The following BLZF1 variants were observed in gnomAD, a reference collection of about 807,000 sequenced individuals.
The protein encoded by BLZF1 is basic leucine zipper nuclear factor 1.
In BLZF1, 39 loss-of-function variants were observed where a neutral mutation model predicts 43.8. The ratio of observed to expected loss-of-function variants is 0.89; its 90% confidence interval spans 0.69 to 1.16. The LOEUF (loss-of-function observed/expected upper bound fraction) is 1.16, where lower values mean the gene tolerates loss of function less well. Among genes scored for constraint, BLZF1 ranks in the 50% most tolerant of loss-of-function variants. The probability of loss-of-function intolerance (pLI) is 0.00; values close to 1 mark genes in which losing one functional copy is unlikely to be tolerated. For missense variants in BLZF1, 449 were observed against 469.8 expected (o/e 0.96, Z 0.41); for synonymous variants, 136 against 159.4 (o/e 0.85, Z 1.11).
chr1:169,373,936 G>C (rs1341669335), intron 2 of BLZF1, among the ~76,000 whole-genome samples: 4 of 152,018 alleles, frequency 2.6e-5, no homozygotes, highest in Non-Finnish European at 4.4e-5. Flanking sequence ...TGGCTGTAGT[G>C]CGTGTTTTTA....
At chr1:169,378,580 G>T in intron 4 of BLZF1, 51 bp downstream of exon 4, 1 of 1,560,544 alleles carries the variant, frequency 6.4e-7, no homozygotes, top group Non-Finnish European at 8.8e-7. Context: ...GCTCCATCAG[G>T]TTTTTGATCT....
rs1404179784 is a variant in BLZF1 at position 169,382,256 on chromosome 1, C to A, written c.992C>A (p.Thr331Asn). The change falls in exon 6 of 7, where the codon ACC becomes AAC. Residue 331 changes from threonine (T) to asparagine (N), a missense_variant. Physicochemically the swap from Thr to Asn is moderately conservative, Grantham distance 65 (BLOSUM62 0). Coordinates refer to ENST00000367808, the MANE Select transcript of BLZF1 (RefSeq NM_001320973.2). Reference protein sequence around the residue: ...KIPSTVEFCSTPAEKMAETVL... With the variant: ...KIPSTVEFCSNPAEKMAETVL... ...CCATCAACAGTTGAATTCTGCAGCA[C>A]CCCAGCTGAGAAAATGGCTGAAACG... The A allele has an allele frequency of 5.6e-6, 9 of 1,613,520 alleles. No individual in the cohort carries two copies. The East Asian group carries it at 1.8e-4, about 32-fold the overall frequency.
At chr1:169,377,487 T>G (rs1367668737) in intron 3 of BLZF1, 5 of 152,678 alleles carry the variant, frequency 3.3e-5, no homozygotes, top group African/African-American at 1.2e-4. Context: ...CCCTTGTTTC[T>G]CTATTAGACC....
Position 169,386,980 on chromosome 1 carries a change from T to G in BLZF1, c.1018-17T>G. On this transcript the variant is annotated splice_polypyrimidine_tract_variant and intron_variant, in intron 6 of 6. Transcript: ENST00000367808. ...TCTATATTGCATACTTCTGACATTA[T>G]ATCTTATTTTCCTTAGGTTCTAAGA... is the stretch of plus-strand genomic sequence containing the variant. 1 of 1,563,034 alleles carries G rather than the reference T, an allele frequency of 6.4e-7. No homozygotes were observed.
In BLZF1 at chr1:169,378,326, C is replaced by A. The variant is rs780284159; in HGVS notation, c.469-4C>A. 11 of 1,611,504 alleles carry A rather than the reference C, an allele frequency of 6.8e-6. No individual in the cohort carries two copies. The South Asian group carries it at 1.2e-4, about 18-fold the overall frequency. ...CTTGTTGTATTGATTACGTTCTCTTCTAGGTAAATCGTGAGTTAAAAAAGT... is the reference window on the plus strand; with the variant it reads ...CTTGTTGTATTGATTACGTTCTCTTATAGGTAAATCGTGAGTTAAAAAAGT... On this transcript the variant is annotated splice_region_variant and splice_polypyrimidine_tract_variant and intron_variant, in intron 3 of 6. Coordinates refer to ENST00000367808, the MANE Select transcript of BLZF1 (RefSeq NM_001320973.2).
At chr1:169,374,642 A>G (rs542765733) in intron 2 of BLZF1, among the ~76,000 whole-genome samples, 1 of 152,248 alleles carries the variant, frequency 6.6e-6, no homozygotes, top group African/African-American at 2.4e-5. Flanking sequence ...GAACATTTCT[A>G]CATGGGAAAA....
intron 6 of BLZF1, among the ~76,000 whole-genome samples, chr1:169,385,213 C>G (rs1654634308): frequency 6.6e-6 from 1 of 152,198 alleles, no homozygotes; most frequent in Non-Finnish European, 1.5e-5. Context: ...TCCCCTTCTT[C>G]TCCCAGACCT....
chr1:169,373,062 A>G (rs536241219), intron 2 of BLZF1, among the ~76,000 whole-genome samples: 85 of 152,182 alleles, frequency 5.6e-4, no homozygotes, highest in African/African-American at 9.2e-4. Context: ...GGTATCCTCA[A>G]TTTTACCTTT....
At chr1:169,370,233 C>T (rs79947056) in intron 2 of BLZF1, among the ~76,000 whole-genome samples, 1,588 of 152,326 alleles carry the variant, frequency 0.01, 26 homozygotes, top group African/African-American at 0.036. Flanking sequence ...ACCCAGTCTA[C>T]TCCTGTATGA....
chr1:169,377,429 G>T, intron 3 of BLZF1: 1 of 157,488 alleles, frequency 6.3e-6, no homozygotes, highest in Non-Finnish European at 1.4e-5. Context: ...TAGCCCTTAA[G>T]TGTGTTGCTT....
chr1:169,390,644 AAGGG>A (rs139679825), downstream of BLZF1, among the ~76,000 whole-genome samples: 1,852 of 152,312 alleles, frequency 0.012, 11 homozygotes, highest in Non-Finnish European at 0.021. Context: ...GGTTTTCAAA[AAGGG>A]AGAATTATTC....
At chr1:169,385,769 A>T (rs1396034477) in intron 6 of BLZF1, among the ~76,000 whole-genome samples, 1 of 152,206 alleles carries the variant, frequency 6.6e-6, no homozygotes, top group Non-Finnish European at 1.5e-5. Context: ...ATGCCAGGAC[A>T]TTCTTAGAGT....
intron 6 of BLZF1, among the ~76,000 whole-genome samples, chr1:169,383,184 T>G (rs1654575315): frequency 6.6e-6 from 1 of 152,188 alleles, no homozygotes; most frequent in African/African-American, 2.4e-5. Context: ...CTTTCCTTCC[T>G]AATCCACAGA....
chr1:169,394,785 G>A (rs994856323), intron 7 of BLZF1: 20 of 255,852 alleles, frequency 7.8e-5, no homozygotes, highest in East Asian at 2.2e-4. Flanking sequence ...TCCTAGAAAC[G>A]TTAATAAAAT....
At chr1:169,393,939 G>A (rs1409525190) in intron 7 of BLZF1, among the ~76,000 whole-genome samples, 1 of 152,164 alleles carries the variant, frequency 6.6e-6, no homozygotes, top group Non-Finnish European at 1.5e-5. Context: ...AATGCTTACA[G>A]TGACTGTCCA....
downstream of BLZF1, among the ~76,000 whole-genome samples, chr1:169,391,279 C>T (rs1054702407): frequency 2.0e-5 from 3 of 152,186 alleles, no homozygotes; most frequent in Admixed American, 1.3e-4. Context: ...CCTTTGAGTT[C>T]GTCCGCTCCT....
chr1:169,379,959 A>G (rs1488356032), intron 4 of BLZF1, among the ~76,000 whole-genome samples: 3 of 151,974 alleles, frequency 2.0e-5, no homozygotes, highest in Non-Finnish European at 4.4e-5. Flanking sequence ...TAACACATGT[A>G]TATGTTGAAA....
In BLZF1 at chr1:169,370,361, A is replaced by T. The variant is rs575042679; in HGVS notation, c.28+811A>T. On this transcript the variant is annotated intron_variant, in intron 2 of 6. Coordinates refer to ENST00000367808, the MANE Select transcript of BLZF1 (RefSeq NM_001320973.2). ...ATTTGGGGGACACAATTCAACCCCT[A>T]AATTGCTAAATACAGTAGTCACTTT... Among the ~76,000 whole-genome samples the T allele has an allele frequency of 2.0e-4, 30 of 152,266 alleles. No individual in the cohort carries two copies. The South Asian group carries it at 4.4e-3, about 22-fold the overall frequency.
At chr1:169,395,432 C>A (rs1222421806) in intron 7 of BLZF1, among the ~76,000 whole-genome samples, 1 of 152,166 alleles carries the variant, frequency 6.6e-6, no homozygotes, top group Admixed American at 6.5e-5. Context: ...GTCTGTCTTA[C>A]AATGAAACTG....
Sources: gnomAD v4.1 joint callset for allele counts (sites outside exome capture counted in the v4.1 genomes callset) on GRCh38, gnomAD v4.1.1 for gene constraint, MANE v1.5 for transcripts, NCBI Gene and HGNC (gene_info 2026-07-23, HGNC 2026-07-21) for gene names.